The following GALNT8 variants were observed in gnomAD, a reference collection of about 807,000 sequenced individuals.
GALNT8 encodes the protein polypeptide N-acetylgalactosaminyltransferase 8.
A neutral mutation model predicts 62.7 loss-of-function variants in GALNT8; 66 were observed. The ratio of observed to expected loss-of-function variants is 1.05; its 90% CI spans 0.86 to 1.29. The LOEUF is 1.29. Ranked by LOEUF, GALNT8 falls within the 50% of genes most tolerant of loss-of-function variation. The pLI is 0.00. For missense variants in GALNT8, 771 were observed against 791.8 expected (o/e 0.97, Z 0.32); for synonymous variants, 288 against 294.3 (o/e 0.98, Z 0.22).
chr12:4,763,155 C>T, intron 7 of GALNT8, 98 bp from the exon 8 acceptor site: 3 of 958,964 alleles, frequency 3.1e-6, no homozygotes, highest in Non-Finnish European at 3.3e-6. Flanking sequence ...CAAGGACTCA[C>T]ATGCAGAAAT....
At chr12:4,744,890 A>AT (rs1184451751) in intron 4 of GALNT8, among the ~76,000 whole-genome samples, 190 bp downstream of exon 4, 4 of 152,206 alleles carry the variant, frequency 2.6e-5, no homozygotes, top group African/African-American at 7.2e-5. Context: ...GGTGGAGAGT[A>AT]TTGACAGTTG....
chr12:4,760,595 G>A (rs941816668), intron 6 of GALNT8, among the ~76,000 whole-genome samples: 10 of 152,344 alleles, frequency 6.6e-5, no homozygotes, highest in Middle Eastern at 3.4e-3. Flanking sequence ...CATGCAGGCA[G>A]AGAAGGGGCA....
chr12:4,761,276 ATAATGGCTCT>A (rs1946371535), intron 7 of GALNT8, 133 bp downstream of exon 7: 1 of 666,996 alleles, frequency 1.5e-6, no homozygotes, highest in Non-Finnish European at 2.6e-6. Context: ...TGGTGTGATA[ATAATGGCTCT>A]TAACATTTAT....
chr12:4,736,780 A>T (rs1169945676), intron 2 of GALNT8, among the ~76,000 whole-genome samples: 1 of 152,178 alleles, frequency 6.6e-6, no homozygotes, highest in South Asian at 2.1e-4. Context: ...GTCTAAAATG[A>T]TAAGTTTTTA....
chr12:4,745,536 C>A lies in GALNT8; in HGVS notation c.968C>A (p.Ala323Glu), dbSNP rs1473513268. Residue 323 changes from alanine to glutamate, a missense_variant, in exon 5 of 11, where the codon GCA becomes GAA. By Grantham distance (107) the Ala-to-Glu change is moderately radical. Coordinates refer to ENST00000252318, the MANE Select transcript of GALNT8 (RefSeq NM_017417.2). ...DTFKLDKYEL[A>E]VDGFNWELWC... Reference sequence around the variant, plus strand: ...TTCAAACTGGATAAGTATGAACTGGCAGTTGATGGGTTTAACTGGGAACTC... The same window carrying A: ...TTCAAACTGGATAAGTATGAACTGGAAGTTGATGGGTTTAACTGGGAACTC... 6.2e-7 allele frequency: 1 copy of A among 1,613,154 alleles called. No homozygotes were observed. The highest frequency in any genetic ancestry group is 1.1e-5 in the South Asian group (1 of 91,058).
chr12:4,721,345 C>T (rs1946167563), intron 1 of GALNT8, among the ~76,000 whole-genome samples: 1 of 151,818 alleles, frequency 6.6e-6, no homozygotes, highest in Non-Finnish European at 1.5e-5. Context: ...TAAGGGGGCC[C>T]AGGGGACCAG....
intron 6 of GALNT8, among the ~76,000 whole-genome samples, chr12:4,759,550 T>C (rs1946362291): frequency 2.0e-5 from 3 of 151,458 alleles, no homozygotes; most frequent in African/African-American, 2.4e-5. Flanking sequence ...TGCTTTTTTT[T>C]CTTTTTTTTT....
intron 1 of GALNT8, among the ~76,000 whole-genome samples, chr12:4,723,344 G>A (rs1946179565): frequency 6.6e-6 from 1 of 152,146 alleles, no homozygotes; most frequent in Non-Finnish European, 1.5e-5. Context: ...GTCGGACATT[G>A]CCCATGCAAA....
intron 6 of GALNT8, among the ~76,000 whole-genome samples, chr12:4,756,445 A>G (rs960973854): frequency 2.6e-5 from 4 of 152,334 alleles, no homozygotes; most frequent in Non-Finnish European, 4.4e-5. Context: ...TTTACACTCA[A>G]TAAATGTTTA....
intron 10 of GALNT8, among the ~76,000 whole-genome samples, chr12:4,770,701 C>T (rs916170634): frequency 1.3e-5 from 2 of 152,144 alleles, no homozygotes; most frequent in African/African-American, 2.4e-5. Context: ...CTGAGGGCTA[C>T]ACAGTGTAGT....
intron 9 of GALNT8, among the ~76,000 whole-genome samples, chr12:4,764,719 A>ATTTTTT (rs750518123): frequency 1.5e-5 from 2 of 129,520 alleles, no homozygotes; most frequent in African/African-American, 5.6e-5. Context: ...AATTTTTTGT[A>ATTTTTT]TTTTTTTTTT....
In GALNT8 at chr12:4,761,097, A is replaced by G. The variant is rs559663039; in HGVS notation, c.1313A>G (p.Asp438Gly). ...NALRVAEIWMDEHKHMVYLAW... is the reference protein window; with the variant it reads ...NALRVAEIWMGEHKHMVYLAW... ...CTGCGAGTGGCCGAAATCTGGATGG[A>G]TGAGCACAAACACATGGTCTACTTG... is the stretch of plus-strand genomic sequence containing the variant. The change falls in exon 7 of 11, where the codon GAT (aspartate) becomes GGT (glycine). Residue 438 changes from aspartate to glycine, a missense_variant. Physicochemically the swap from Asp to Gly is moderately conservative, Grantham distance 94. Transcript: ENST00000252318. 9 of 1,614,100 alleles carry G rather than the reference A, an allele frequency of 5.6e-6. No individual in the cohort carries two copies. The South Asian group carries it at 8.8e-5, about 16-fold the overall frequency.
At chr12:4,750,043 CTCT>C (rs919041127) in intron 6 of GALNT8, among the ~76,000 whole-genome samples, 14 of 151,990 alleles carry the variant, frequency 9.2e-5, no homozygotes, top group Non-Finnish European at 1.6e-4. Context: ...TAGATATTCT[CTCT>C]TTTTTTCTTA....
chr12:4,752,468 TATC>T (rs1946326390), intron 6 of GALNT8, among the ~76,000 whole-genome samples: 1 of 151,798 alleles, frequency 6.6e-6, no homozygotes, highest in Non-Finnish European at 1.5e-5. Context: ...AATACTATCT[TATC>T]ATCCATTATT....
In GALNT8 at chr12:4,726,998, T is replaced by A. The variant is rs1423494344; in HGVS notation, c.509+169T>A. Among the ~76,000 whole-genome samples the A allele has an allele frequency of 6.6e-6, 1 of 152,152 alleles. No homozygotes were observed. Among genetic ancestry groups the A allele is most frequent in the Non-Finnish European group, 1.5e-5 (1 of 68,034 alleles). ...TTTTATAATGACAGCTCAGAGAAGATAACCAACTGATCCAAATATTTACAG... is the reference window on the plus strand; with the variant it reads ...TTTTATAATGACAGCTCAGAGAAGAAAACCAACTGATCCAAATATTTACAG... On this transcript the variant is annotated intron_variant, in intron 2 of 10. Coordinates refer to ENST00000252318, the MANE Select transcript of GALNT8 (RefSeq NM_017417.2). This position sits in a 1 kb window ranked among gnomAD's most constrained non-coding sequence, Gnocchi z 4.1.
intron 2 of GALNT8, among the ~76,000 whole-genome samples, chr12:4,727,106 A>G (rs1229402947): frequency 6.6e-6 from 1 of 152,164 alleles, no homozygotes. Context: ...TGGTGGGTCT[A>G]ACTGATAATT....
In GALNT8 at chr12:4,746,170, C is replaced by A; in HGVS notation, c.1085C>A (p.Ala362Asp). 6.2e-7 allele frequency: 1 copy of A among 1,611,566 alleles called. No individual in the cohort carries two copies. The highest frequency in any genetic ancestry group is 8.5e-7 in the Non-Finnish European group (1 of 1,177,708). Residue 362 changes from alanine (A) to aspartate (D), a missense_variant, in exon 6 of 11, where the codon GCT becomes GAT. Ala to Asp is a moderately radical substitution (Grantham distance 126, BLOSUM62 -2). Coordinates refer to ENST00000252318, the MANE Select transcript of GALNT8 (RefSeq NM_017417.2). ...AGTCCTTCAATCATGGGCATCCTGG[C>A]TGCTAACAGGCACTTCCTGGGAGAG... ...VKSPSIMGIL[A>D]ANRHFLGEIG... is the part of the protein sequence containing the mutation.
chr12:4,765,562 T>A lies in GALNT8; in HGVS notation c.1761+16T>A. Reference sequence around the variant, plus strand: ...TTTTAAACCGGTGAGTTATGTGTTTTTGTTTGTTGGTTTGTTTGTTTTGTT... The same window carrying A: ...TTTTAAACCGGTGAGTTATGTGTTTATGTTTGTTGGTTTGTTTGTTTTGTT... On this transcript the variant is annotated intron_variant, in intron 10 of 10. Transcript: ENST00000252318. 6.3e-7 allele frequency: 1 copy of A among 1,588,824 alleles called. No homozygotes were observed. Among genetic ancestry groups the A allele is most frequent in the South Asian group, 1.1e-5 (1 of 89,328 alleles).
At chr12:4,755,298 C>G (rs1591572028) in intron 6 of GALNT8, among the ~76,000 whole-genome samples, 1 of 152,214 alleles carries the variant, frequency 6.6e-6, no homozygotes, top group South Asian at 2.1e-4. Flanking sequence ...TTCCCTCTGG[C>G]TGGGGCTGGT....
Sources: gnomAD v4.1 joint callset for allele counts (sites outside exome capture counted in the v4.1 genomes callset) on GRCh38, gnomAD v4.1.1 for gene constraint, Gnocchi (gnomAD v3.1) non-coding constraint, MANE v1.5 for transcripts, NCBI Gene and HGNC (gene_info 2026-07-23, HGNC 2026-07-21) for gene names.